Variants in PTPRT observed in about 807,000 individuals in gnomAD.
PTPRT encodes the protein protein tyrosine phosphatase receptor type T.
A neutral mutation model predicts 176.8 loss-of-function variants in PTPRT; 56 were observed. That is an observed-to-expected ratio of 0.32 (90% CI 0.26 to 0.40). PTPRT has a LOEUF of 0.40. Ranked by LOEUF, PTPRT falls within the 10% of genes least tolerant of loss-of-function variation. The pLI is 1.00. For missense variants in PTPRT, 1,540 were observed against 1,908.2 expected (o/e 0.81, Z 3.60); for synonymous variants, 783 against 739.0 (o/e 1.06, Z -0.96).
At chr20:42,393,794 G>C (rs2058823596) in intron 9 of PTPRT, among the ~76,000 whole-genome samples, 1 of 152,088 alleles carries the variant, frequency 6.6e-6, no homozygotes, top group African/African-American at 2.4e-5. Context: ...AATTTTTAGT[G>C]TGCAATTTTA....
At chr20:42,897,734 A>G (rs541353353) in intron 1 of PTPRT, among the ~76,000 whole-genome samples, 11 of 152,102 alleles carry the variant, frequency 7.2e-5, no homozygotes, top group Non-Finnish European at 1.2e-4. Context: ...ATTTTTTTTT[A>G]CTTAGTTATA....
intron 1 of PTPRT, among the ~76,000 whole-genome samples, chr20:42,951,258 G>C (rs1662024524): frequency 6.6e-6 from 1 of 151,984 alleles, no homozygotes; most frequent in Non-Finnish European, 1.5e-5. Context: ...TGGAGGGGTG[G>C]ATGGATGGAT....
intron 8 of PTPRT, among the ~76,000 whole-genome samples, chr20:42,458,076 G>T (rs1464804762): frequency 1.3e-5 from 2 of 152,106 alleles, no homozygotes. Flanking sequence ...ATTCCCTAAG[G>T]GGTTTTCTTT....
At chr20:42,480,528 C>A (rs1012416965) in intron 7 of PTPRT, among the ~76,000 whole-genome samples, 1 of 152,152 alleles carries the variant, frequency 6.6e-6, no homozygotes, top group African/African-American at 2.4e-5. Context: ...ATATCCTGAA[C>A]CTCTGAGATG....
chr20:43,108,798 A>C (rs556097880), intron 1 of PTPRT, among the ~76,000 whole-genome samples: 1 of 152,318 alleles, frequency 6.6e-6, no homozygotes, highest in African/African-American at 2.4e-5. Flanking sequence ...AGGGTGTTAA[A>C]ATCACTGCTC....
At position 43,131,904 on chromosome 20, in the gene PTPRT, T is replaced by C. The variant is rs1388169071; in HGVS notation, c.88+57742A>G. ...AGTAAACATTTTATAGTAAACTTAATAGATACCAAAAAAGCATATACTCAT... is the reference window on the plus strand; with the variant it reads ...AGTAAACATTTTATAGTAAACTTAACAGATACCAAAAAAGCATATACTCAT... On this transcript the variant is annotated intron_variant, in intron 1 of 30. Transcript: ENST00000373187. Among the ~76,000 whole-genome samples the C allele has an allele frequency of 2.6e-5, 4 of 152,076 alleles. No homozygotes were observed. In the East Asian group the frequency reaches 5.8e-4, roughly 22 times the overall value.
intron 15 of PTPRT, among the ~76,000 whole-genome samples, chr20:42,205,503 CTG>C (rs2055433148): frequency 6.6e-6 from 1 of 152,140 alleles, no homozygotes; most frequent in Non-Finnish European, 1.5e-5. Context: ...CAAGTAGAGA[CTG>C]GGAAACCACT....
At chr20:42,649,770 G>A (rs2074995769) in intron 7 of PTPRT, among the ~76,000 whole-genome samples, 1 of 151,842 alleles carries the variant, frequency 6.6e-6, no homozygotes, top group Admixed American at 6.5e-5. Context: ...TCTCATGTTT[G>A]GAGAGACAAC....
chr20:42,418,178 A>G (rs1315421578), intron 9 of PTPRT, among the ~76,000 whole-genome samples: 2 of 152,244 alleles, frequency 1.3e-5, no homozygotes, highest in Non-Finnish European at 1.5e-5. Flanking sequence ...AGTATAAAAT[A>G]TCTTGTTCAT....
At chr20:42,494,161 G>A (rs1263399726) in intron 7 of PTPRT, among the ~76,000 whole-genome samples, 2 of 152,128 alleles carry the variant, frequency 1.3e-5, no homozygotes, top group African/African-American at 4.8e-5. Flanking sequence ...CTAAATGGCT[G>A]TATATTATGG....
intron 7 of PTPRT, among the ~76,000 whole-genome samples, chr20:42,534,833 G>A (rs2072447902): frequency 6.6e-6 from 1 of 151,984 alleles, no homozygotes; most frequent in Non-Finnish European, 1.5e-5. Context: ...CTGTAAAATG[G>A]GGCCAACTAT....
intron 2 of PTPRT, among the ~76,000 whole-genome samples, chr20:42,837,129 G>C (rs78102119): frequency 3.3e-5 from 5 of 152,206 alleles, no homozygotes; most frequent in Non-Finnish European, 1.5e-5. Flanking sequence ...AAGCAGGGAC[G>C]TGGGCGTCCC....
chr20:42,751,433 T>A (rs2076768542), intron 6 of PTPRT, among the ~76,000 whole-genome samples: 1 of 152,192 alleles, frequency 6.6e-6, no homozygotes, highest in African/African-American at 2.4e-5. Context: ...AATTCTGACC[T>A]ACAGGGACTT....
intron 1 of PTPRT, among the ~76,000 whole-genome samples, chr20:43,079,834 C>G (rs949512812): frequency 6.6e-6 from 1 of 152,034 alleles, no homozygotes; most frequent in South Asian, 2.1e-4. Context: ...CCTTCCAATC[C>G]TTTTAACTTT....
intron 1 of PTPRT, among the ~76,000 whole-genome samples, chr20:42,991,738 C>T (rs576376371): frequency 6.6e-6 from 1 of 152,264 alleles, no homozygotes; most frequent in African/African-American, 2.4e-5. Flanking sequence ...TATTTTACCA[C>T]AATAAACAAA....
intron 16 of PTPRT, among the ~76,000 whole-genome samples, chr20:42,174,221 TTGG>T (rs1448699484): frequency 2.8e-4 from 42 of 152,264 alleles, no homozygotes; most frequent in Admixed American, 2.6e-4. Flanking sequence ...AGAACATGTC[TTGG>T]TCAGTAAGTT....
At chr20:42,635,859 G>C (rs2074585588) in intron 7 of PTPRT, among the ~76,000 whole-genome samples, 1 of 152,110 alleles carries the variant, frequency 6.6e-6, no homozygotes, top group African/African-American at 2.4e-5. Context: ...CTGCCAGCTT[G>C]ATATCGTCAC....
intron 7 of PTPRT, among the ~76,000 whole-genome samples, chr20:42,531,305 C>T (rs992129185): frequency 6.6e-6 from 1 of 152,056 alleles, no homozygotes; most frequent in African/African-American, 2.4e-5. Context: ...AAAAATTTAC[C>T]TATGGGGTAG....
chr20:42,885,999 C>G, intron 1 of PTPRT, 67 bp from the exon 2 acceptor site: 1 of 1,368,018 alleles, frequency 7.3e-7, no homozygotes. Flanking sequence ...ACCTCTGTCT[C>G]GTCGGCTCTT....
Sources: allele counts gnomAD v4.1 joint callset (sites outside exome capture counted in the v4.1 genomes callset), GRCh38; gene constraint gnomAD v4.1.1; transcripts MANE v1.5; gene names NCBI Gene and HGNC (gene_info 2026-07-23, HGNC 2026-07-21).